The following CYP4Z1 variants were observed in gnomAD, a reference collection of about 807,000 sequenced individuals.
The protein encoded by CYP4Z1 is cytochrome P450 family 4 subfamily Z member 1.
CYP4Z1 carries 41 observed loss-of-function variants against 54.2 expected under a neutral mutation model. The observed-to-expected ratio is 0.76, with a 90% CI of 0.59 to 0.98. CYP4Z1 has a LOEUF of 0.98. Among genes scored for constraint, CYP4Z1 ranks in the 50% least tolerant of loss-of-function variants. The pLI is 0.00. For missense variants in CYP4Z1, 513 were observed against 599.0 expected (o/e 0.86, Z 1.50); for synonymous variants, 163 against 206.2 (o/e 0.79, Z 1.79).
chr1:47,093,986 A>G (rs1363993493), intron 6 of CYP4Z1, among the ~76,000 whole-genome samples: 1 of 152,156 alleles, frequency 6.6e-6, no homozygotes, highest in Non-Finnish European at 1.5e-5. Context: ...TTATTTTCCT[A>G]TTTGGATGCT....
chr1:47,091,383 C>G (rs1242429149), intron 6 of CYP4Z1, among the ~76,000 whole-genome samples: 1 of 143,660 alleles, frequency 7.0e-6, no homozygotes, highest in African/African-American at 2.8e-5. Context: ...CCTCCTATTG[C>G]TCATGGAAGA....
At chr1:47,063,754 C>CA (rs1189460971), upstream of CYP4Z1, among the ~76,000 whole-genome samples, 5 of 151,802 alleles carry the variant, frequency 3.3e-5, no homozygotes, top group Non-Finnish European at 7.4e-5. Flanking sequence ...GTTATATGTC[C>CA]AAAACTAAGA....
At chr1:47,084,767 T>G in intron 5 of CYP4Z1, 23 bp downstream of exon 5, 1 of 1,613,150 alleles carries the variant, frequency 6.2e-7, no homozygotes, top group Non-Finnish European at 8.5e-7. Context: ...AGGAAGGTAA[T>G]TGTTTGCCAA....
At chr1:47,062,515 C>T (rs1400197826), upstream of CYP4Z1, among the ~76,000 whole-genome samples, 1 of 152,174 alleles carries the variant, frequency 6.6e-6, no homozygotes, top group Non-Finnish European at 1.5e-5. Flanking sequence ...AGGAGTGAGA[C>T]TGGCCTTTAG....
upstream of CYP4Z1, among the ~76,000 whole-genome samples, chr1:47,065,355 A>G (rs1336002681): frequency 1.3e-5 from 2 of 152,212 alleles, no homozygotes; most frequent in Non-Finnish European, 2.9e-5. Flanking sequence ...ATGGAAAAAA[A>G]ATTGGAAGTC....
chr1:47,102,314 G>A (rs2148537983), intron 8 of CYP4Z1, among the ~76,000 whole-genome samples: 1 of 152,200 alleles, frequency 6.6e-6, no homozygotes, highest in South Asian at 2.1e-4. Context: ...TGGTTGTTTT[G>A]TATATACTTT....
At chr1:47,062,573 T>TC (rs1251469056), upstream of CYP4Z1, among the ~76,000 whole-genome samples, 3 of 152,050 alleles carry the variant, frequency 2.0e-5, no homozygotes, top group South Asian at 6.2e-4. Flanking sequence ...CTACCGGCTT[T>TC]CCCCCACTTC....
At chr1:47,102,407 T>C (rs1215785351) in intron 8 of CYP4Z1, among the ~76,000 whole-genome samples, 6 of 152,172 alleles carry the variant, frequency 3.9e-5, no homozygotes, top group Non-Finnish European at 2.9e-5. Context: ...CTCTGTCTTG[T>C]TTGTGTGTTA....
upstream of CYP4Z1, among the ~76,000 whole-genome samples, chr1:47,062,321 G>A (rs779686532): frequency 9.9e-5 from 15 of 152,178 alleles, no homozygotes; most frequent in East Asian, 1.7e-3. Context: ...GGAACATACC[G>A]GGAAAGCTAA....
chr1:47,099,526 A>G (rs1644705223), intron 8 of CYP4Z1, among the ~76,000 whole-genome samples: 2 of 152,310 alleles, frequency 1.3e-5, no homozygotes, highest in South Asian at 4.1e-4. Flanking sequence ...TTCAGGCAAT[A>G]GTACAACTGC....
Position 47,099,196 on chromosome 1 carries a change from C to G in CYP4Z1, c.979C>G (p.Leu327Val). The G allele has an allele frequency of 6.2e-7, 1 of 1,613,988 alleles. No homozygotes were observed. The highest frequency in any genetic ancestry group is 1.3e-5 in the African/African-American group (1 of 75,026). The change falls in exon 8 of 12, where the codon CTT (leucine) becomes GTT (valine). Residue 327 changes from leucine (L) to valine (V), a missense_variant. By Grantham distance (32) the Leu-to-Val change is conservative (BLOSUM62 1). Transcript: ENST00000334194. Reference sequence around the variant, plus strand: ...CACATCCAGTGCTATCTCCTGGATCCTTTACTGCTTGGCAAAGTACCCTGA... The same window carrying G: ...CACATCCAGTGCTATCTCCTGGATCGTTTACTGCTTGGCAAAGTACCCTGA... The part of the protein sequence containing the change: ...DTTSSAISWI[L>V]YCLAKYPEHQ...
chr1:47,064,081 T>C (rs564263900), upstream of CYP4Z1, among the ~76,000 whole-genome samples: 462 of 61,538 alleles, frequency 7.5e-3, 3 homozygotes, highest in Non-Finnish European at 9.0e-3. Flanking sequence ...ATTTGGGTCC[T>C]TTTTTTTTTT....
At chr1:47,108,832 T>C (rs1644774654) in intron 9 of CYP4Z1, among the ~76,000 whole-genome samples, 1 of 151,938 alleles carries the variant, frequency 6.6e-6, no homozygotes. Context: ...TGTCTGTGAG[T>C]AATTTTAAGT....
chr1:47,118,021 A>G lies in CYP4Z1; in HGVS notation c.*87A>G. 1 of 1,295,000 alleles carries G rather than the reference A, an allele frequency of 7.7e-7. No individual in the cohort carries two copies. The highest frequency in any genetic ancestry group is 1.0e-6 in the Non-Finnish European group (1 of 958,332). 80.2% of individuals were successfully genotyped at this position (1,295,000 alleles called of 1,614,324 possible). ...GATAAATATAATACAAAATATATGT[A>G]TATGGTTGTTTGACAAATTATATAA... On this transcript the variant is annotated 3_prime_UTR_variant, in exon 12 of 12. Coordinates refer to ENST00000334194, the MANE Select transcript of CYP4Z1 (RefSeq NM_178134.3).
chr1:47,104,398 T>C (rs1644742507), intron 8 of CYP4Z1, among the ~76,000 whole-genome samples: 1 of 152,114 alleles, frequency 6.6e-6, no homozygotes, highest in South Asian at 2.1e-4. Context: ...CTAGCACCAG[T>C]GTTAGCTACT....
chr1:47,058,608 C>T, the CYP4Z1 span, among the ~76,000 whole-genome samples: 1 of 152,154 alleles, frequency 6.6e-6, no homozygotes, highest in Non-Finnish European at 1.5e-5. Flanking sequence ...GTTTCCAGAG[C>T]ACTGCAATGT....
chr1:47,084,740 G>T lies in CYP4Z1; in HGVS notation c.613G>T (p.Asp205Tyr). The change falls in exon 5 of 12, where the codon GAC (aspartate) becomes TAC (tyrosine). Residue 205 changes from aspartate (D) to tyrosine (Y), a missense_variant. Coordinates refer to ENST00000334194, the MANE Select transcript of CYP4Z1 (RefSeq NM_178134.3). ...CAGCCACCAGGGCAGCATCCAGTTGGACAGGTCAGTGACAAAAGGAAGGTA... is the reference window on the plus strand; with the variant it reads ...CAGCCACCAGGGCAGCATCCAGTTGTACAGGTCAGTGACAAAAGGAAGGTA... ...AFSHQGSIQL[D>Y]STLDSYLKAV... The T allele has an allele frequency of 6.2e-7, 1 of 1,613,364 alleles. No individual in the cohort carries two copies. Among genetic ancestry groups the T allele is most frequent in the Non-Finnish European group, 8.5e-7 (1 of 1,179,838 alleles).
At chr1:47,057,335 A>AAAAAAAATATATAT in the CYP4Z1 span, among the ~76,000 whole-genome samples, 69 of 28,402 alleles carry the variant, frequency 2.4e-3, no homozygotes, top group Non-Finnish European at 4.3e-3. Flanking sequence ...AAGAAAAAAA[A>AAAAAAAATATATAT]ATATATATAT....
chr1:47,085,444 C>G (rs1478778265), intron 6 of CYP4Z1, among the ~76,000 whole-genome samples: 1 of 152,052 alleles, frequency 6.6e-6, no homozygotes, highest in African/African-American at 2.4e-5. Context: ...CTTTGAGGGA[C>G]CATAAATCTA....
Sources: allele counts gnomAD v4.1 joint callset (sites outside exome capture counted in the v4.1 genomes callset), GRCh38; gene constraint gnomAD v4.1.1; transcripts MANE v1.5; gene names NCBI Gene and HGNC (gene_info 2026-07-23, HGNC 2026-07-21).